The following MAP9 variants were observed in gnomAD, a reference collection of about 807,000 sequenced individuals.
The protein encoded by MAP9 is microtubule-associated protein 9.
Under a neutral mutation model 75.2 loss-of-function variants are expected in MAP9, and 80 were observed. The observed-to-expected ratio is 1.06, with a 90% CI of 0.89 to 1.28. The LOEUF (loss-of-function observed/expected upper bound fraction) is 1.28. MAP9 is among the 50% of genes most tolerant of loss of function. MAP9 has a pLI of 0.00. For missense variants in MAP9, 753 were observed against 719.9 expected (o/e 1.05, Z -0.53); for synonymous variants, 235 against 237.3 (o/e 0.99, Z 0.09).
At chr4:155,365,849 C>A (rs192078257) in intron 5 of MAP9, among the ~76,000 whole-genome samples, 14 of 151,222 alleles carry the variant, frequency 9.3e-5, no homozygotes, top group African/African-American at 3.2e-4. Context: ...TATTTTTCAA[C>A]TAAAAAAATA....
intron 1 of MAP9, 184 bp downstream of exon 1, chr4:155,376,587 G>T (rs1302011325): frequency 6.6e-6 from 1 of 152,636 alleles, no homozygotes; most frequent in African/African-American, 2.4e-5. Flanking sequence ...GGTGCTCGCC[G>T]CTCCTCACCG....
intron 4 of MAP9, among the ~76,000 whole-genome samples, chr4:155,369,746 C>G (rs1228214715): frequency 1.3e-5 from 2 of 152,150 alleles, no homozygotes; most frequent in Non-Finnish European, 2.9e-5. Context: ...AGGAAGGAAT[C>G]TTTTATGAGT....
chr4:155,375,521 TA>T lies in MAP9; in HGVS notation c.75+254del, dbSNP rs540984420. Among the ~76,000 whole-genome samples, 537 of 152,230 alleles carry T rather than the reference TA, an allele frequency of 3.5e-3. 8 individuals are homozygous for T. Among genetic ancestry groups the T allele is most frequent in the African/African-American group, 0.012 (519 of 41,526 alleles). The stretch of plus-strand genomic sequence containing the variant: ...TACAACAGAAAAAAAAGTTTTTATA[TA>T]AAAATGGCAATTTAAGGTTGCGATT... On this transcript the variant is annotated intron_variant, in intron 2 of 13. Coordinates refer to ENST00000311277, the MANE Select transcript of MAP9 (RefSeq NM_001039580.2).
At position 155,362,060 on chromosome 4, in the gene MAP9, C is replaced by T. The variant is rs145599601; in HGVS notation, c.790G>A (p.Ala264Thr). The change falls in exon 6 of 14, where the codon GCA becomes ACA. Residue 264 changes from alanine to threonine, a missense_variant. By Grantham distance (58) the Ala-to-Thr change is moderately conservative (BLOSUM62 0). Coordinates refer to ENST00000311277, the MANE Select transcript of MAP9 (RefSeq NM_001039580.2). ...DSFSPGSEGN[A>T]SGKDPNEEIT... The stretch of plus-strand genomic sequence containing the variant: ...TAGATATAACCACCTTTTCCAGATG[C>T]GTTTCCCTCAGATCCTGGTGAAAAA... 1.5e-3 allele frequency: 2,363 copies of T among 1,594,326 alleles called. 4 individuals carry two copies. The highest frequency in any genetic ancestry group is 3.4e-3 in the South Asian group (296 of 88,206).
At chr4:155,364,969 CAAT>C (rs1324329501) in intron 5 of MAP9, among the ~76,000 whole-genome samples, 1 of 151,532 alleles carries the variant, frequency 6.6e-6, no homozygotes, top group Non-Finnish European at 1.5e-5. Flanking sequence ...AGAGAAACAA[CAAT>C]AAAAACAATA....
Position 155,352,957 on chromosome 4 carries a change from G to C in MAP9, c.1643C>G (p.Thr548Ser), listed in dbSNP as rs146097526. 350 of 1,540,628 alleles carry C rather than the reference G, an allele frequency of 2.3e-4. No individual in the cohort carries two copies. Among genetic ancestry groups the C allele is most frequent in the Non-Finnish European group, 3.0e-4 (338 of 1,139,430 alleles). Reference sequence around the variant, plus strand: ...ATTATCTTTCTTTTTCTCGGCAACAGTTTCCTCCTCTTTCTGTTTCTTTGC... The same window carrying C: ...ATTATCTTTCTTTTTCTCGGCAACACTTTCCTCCTCTTTCTGTTTCTTTGC... ...ERAKKQKEEE[T>S]VAEKKKDNLT... The change falls in exon 12 of 14, where the codon ACT (threonine) becomes AGT (serine). Residue 548 changes from threonine (T) to serine (S), a missense_variant. Coordinates refer to ENST00000311277, the MANE Select transcript of MAP9 (RefSeq NM_001039580.2).
chr4:155,359,714 T>C (rs1731978614), intron 7 of MAP9, among the ~76,000 whole-genome samples: 1 of 152,046 alleles, frequency 6.6e-6, no homozygotes, highest in South Asian at 2.1e-4. Context: ...ATGATAACCA[T>C]CTATTTTAAA....
At position 155,352,648 on chromosome 4, in the gene MAP9, G is replaced by T; in HGVS notation, c.1769C>A (p.Ala590Asp). The T allele has an allele frequency of 6.5e-7, 1 of 1,533,210 alleles. No individual in the cohort carries two copies. The highest frequency in any genetic ancestry group is 8.9e-7 in the Non-Finnish European group (1 of 1,121,658). 95.0% of individuals were successfully genotyped at this position (1,533,210 alleles called of 1,614,324 possible). Residue 590 changes from alanine (A) to aspartate (D), a missense_variant, in exon 13 of 14, where the codon GCT becomes GAT. By Grantham distance (126) the Ala-to-Asp change is moderately radical. Transcript: ENST00000311277. Reference protein sequence around the residue: ...NEKRKEELKRAEKKDKDKQAI... With the variant: ...NEKRKEELKRDEKKDKDKQAI... ...TTGTTTATCTTTATCTTTTTTCTCA[G>T]CTCTTTTCAGTTCTTCCTTTCTTTT... is the stretch of plus-strand genomic sequence containing the variant.
At chr4:155,361,173 T>C (rs1298542123) in intron 6 of MAP9, 1 of 152,090 alleles carries the variant, frequency 6.6e-6, no homozygotes. Flanking sequence ...GGTTTCATTA[T>C]GACCATTTTT....
intron 5 of MAP9, chr4:155,367,258 A>G (rs1732372958): frequency 6.6e-6 from 1 of 152,214 alleles, no homozygotes; most frequent in South Asian, 2.1e-4. Context: ...GAAAGAAGAG[A>G]CACAGACATG....
At chr4:155,375,047 T>C (rs1732778723) in intron 2 of MAP9, 26 bp from the exon 3 acceptor site, 2 of 1,505,962 alleles carry the variant, frequency 1.3e-6, no homozygotes, top group Non-Finnish European at 1.8e-6. Flanking sequence ...GAAATCAATT[T>C]CCATCCAAAC....
At chr4:155,362,169 C>A in intron 5 of MAP9, 28 bp from the exon 6 acceptor site, 1 of 1,320,410 alleles carries the variant, frequency 7.6e-7, no homozygotes, top group Non-Finnish European at 1.1e-6. Context: ...AATACATTTG[C>A]CACATAAGTT....
intron 8 of MAP9, 181 bp downstream of exon 8, chr4:155,357,268 A>G (rs1731834573): frequency 1.7e-6 from 1 of 572,138 alleles, no homozygotes; most frequent in South Asian, 2.0e-5. Context: ...AAATTACTTT[A>G]TTTCAAATAA....
chr4:155,368,748 C>T lies in MAP9; in HGVS notation c.546G>A (p.Leu182=), dbSNP rs3733390. The stretch of plus-strand genomic sequence containing the variant: ...TCTCCTCCATGTGACTTTTCTTTTT[C>T]AACATACTCCTTGGCCGAGGTGATG... The part of the protein sequence containing the change: ...FKPSPRPRSM[L]KKKSHMEEKD... The change falls in exon 5 of 14, where the codon TTG becomes TTA. Residue 182 remains leucine, a synonymous_variant. Transcript: ENST00000311277. The T allele has an allele frequency of 0.35, 555,539 of 1,609,652 alleles. 101,049 individuals are homozygous for T. The highest frequency in any genetic ancestry group is 0.65 in the East Asian group (29,244 of 44,854).
In MAP9 at chr4:155,375,002, A is replaced by AT; in HGVS notation, c.94dup (p.Ile32AsnfsTer12). On this transcript the variant is annotated frameshift_variant, in exon 3 of 14. Coordinates refer to ENST00000311277, the MANE Select transcript of MAP9 (RefSeq NM_001039580.2). LOFTEE classifies it high-confidence loss of function. Reference sequence around the variant, plus strand: ...CCTTTGTCTGGCTGAGCGAGCTGTAATTGCTCTTATTAGCTCATCCTGAAA... The same window carrying AT: ...CCTTTGTCTGGCTGAGCGAGCTGTAATTTGCTCTTATTAGCTCATCCTGAAA... 6.3e-7 allele frequency: 1 copy of AT among 1,582,678 alleles called. No homozygotes were observed. The highest frequency in any genetic ancestry group is 1.1e-5 in the South Asian group (1 of 88,086).
At chr4:155,352,459 G>A (rs1418153225) in intron 13 of MAP9, 137 bp downstream of exon 13, 11 of 791,366 alleles carry the variant, frequency 1.4e-5, no homozygotes, top group Admixed American at 2.6e-5. Flanking sequence ...TATGCAGGAG[G>A]AGAGCTTGAA....
At chr4:155,363,526 G>A (rs1732186233) in intron 5 of MAP9, among the ~76,000 whole-genome samples, 2 of 151,824 alleles carry the variant, frequency 1.3e-5, no homozygotes, top group Admixed American at 1.3e-4. Flanking sequence ...AGCACTTTGG[G>A]GAAAATATAT....
chr4:155,375,651 G>C (rs1174097980), intron 2 of MAP9, 125 bp downstream of exon 2: 1 of 522,836 alleles, frequency 1.9e-6, no homozygotes, highest in Non-Finnish European at 3.3e-6. Context: ...ATGATCATGT[G>C]CAAAACCTCA....
chr4:155,371,252 C>A (rs962646700), intron 4 of MAP9, among the ~76,000 whole-genome samples: 1 of 151,866 alleles, frequency 6.6e-6, no homozygotes, highest in Non-Finnish European at 1.5e-5. Flanking sequence ...CAATATCTCA[C>A]CACATTAAAA....
Sources: gnomAD v4.1 joint callset for allele counts (sites outside exome capture counted in the v4.1 genomes callset) on GRCh38, gnomAD v4.1.1 for gene constraint, MANE v1.5 for transcripts, NCBI Gene and HGNC (gene_info 2026-07-23, HGNC 2026-07-21) for gene names.